The following PLEKHA1 variants were observed in gnomAD, a reference collection of about 807,000 sequenced individuals.
PLEKHA1 encodes pleckstrin homology domain-containing family A member 1.
PLEKHA1 carries 34 observed loss-of-function variants against 52.0 expected under a neutral mutation model. The ratio of observed to expected loss-of-function variants is 0.65; its 90% confidence interval spans 0.50 to 0.87. The LOEUF (loss-of-function observed/expected upper bound fraction) is 0.87. Ranked by LOEUF, PLEKHA1 falls within the 40% of genes least tolerant of loss-of-function variation. The pLI is 0.00. For synonymous variants in PLEKHA1, 163 were observed against 170.7 expected (o/e 0.95, Z 0.35); for missense variants, 497 against 504.2 (o/e 0.99, Z 0.14).
intron 7 of PLEKHA1, chr10:122,416,857 T>A (rs1261677804): frequency 2.0e-5 from 3 of 153,324 alleles, no homozygotes; most frequent in African/African-American, 7.2e-5. Context: ...CAACTCTTAA[T>A]TTTTTTAGGG....
chr10:122,390,372 A>T (rs2096759408), intron 1 of PLEKHA1, among the ~76,000 whole-genome samples: 1 of 152,218 alleles, frequency 6.6e-6, no homozygotes, highest in African/African-American at 2.4e-5. Flanking sequence ...CAGGAACTTT[A>T]CCTTTGCATT....
In PLEKHA1 at chr10:122,424,171, G is replaced by GTTTCTTTT. The variant is rs758904148; in HGVS notation, c.682-25_682-24insCTTTTTTT. ...TTTTAAGAATAAACATCATGTAACT[G>GTTTCTTTT]TTTTTTTTTTTTTTTTTTTTTTGCC... On this transcript the variant is annotated intron_variant, in intron 8 of 11. Coordinates refer to ENST00000368990, the MANE Select transcript of PLEKHA1 (RefSeq NM_001001974.4). The GTTTCTTTT allele has an allele frequency of 2.8e-5, 27 of 955,824 alleles. 1 individual carries two copies. Among genetic ancestry groups the GTTTCTTTT allele is most frequent in the South Asian group, 1.7e-4 (8 of 48,186 alleles). The allele number at this position is 955,824 out of a possible 1,614,324, so 59.2% of individuals were successfully genotyped here. A position where few individuals can be genotyped will look rare whatever the true frequency, so the allele number is the denominator to read the frequency against.
At chr10:122,441,634 TAAAG>T in the PLEKHA1 span, 2 of 152,122 alleles carry the variant, frequency 1.3e-5, no homozygotes, top group East Asian at 1.9e-4. Context: ...GTGGTTCAGA[TAAAG>T]AACCCACTGA....
chr10:122,406,791 TAA>T (rs980678176), intron 5 of PLEKHA1, 118 bp downstream of exon 5: 7 of 734,936 alleles, frequency 9.5e-6, no homozygotes, highest in Non-Finnish European at 1.6e-5. Flanking sequence ...AAGCTTTGTT[TAA>T]AAGACAGGTG....
chr10:122,415,881 G>A lies in PLEKHA1; in HGVS notation c.491G>A (p.Gly164Asp), dbSNP rs759958057. The A allele has an allele frequency of 1.2e-6, 2 of 1,611,828 alleles. No individual in the cohort carries two copies. The highest frequency in any genetic ancestry group is 1.1e-5 in the South Asian group (1 of 90,836). Residue 164 changes from glycine to aspartate, a missense_variant, in exon 7 of 12, where the codon GGT (glycine) becomes GAT (aspartate). Physicochemically the swap from Gly to Asp is moderately conservative, Grantham distance 94 (BLOSUM62 -1). Coordinates refer to ENST00000368990, the MANE Select transcript of PLEKHA1 (RefSeq NM_001001974.4). ...TAGAAAGAAGAAGTAAATGAATGTG[G>A]TGAAAGTATTGACAGAAATAATCTG... ...PTQKEEVNEC[G>D]ESIDRNNLKR...
intron 8 of PLEKHA1, chr10:122,420,773 T>A (rs2097249397): frequency 6.6e-6 from 1 of 152,172 alleles, no homozygotes; most frequent in Admixed American, 6.5e-5. Context: ...AACATAGGCA[T>A]CCAAGAGGAA....
Position 122,393,003 on chromosome 10 carries a change from C to T in PLEKHA1, c.-20-178C>T. ...TAAATAGTTACATTTAGTAACCACT[C>T]TTCACAAACTGAATTTCAAAAGTGA... On this transcript the variant is annotated intron_variant, in intron 1 of 11. Coordinates refer to ENST00000368990, the MANE Select transcript of PLEKHA1 (RefSeq NM_001001974.4). This position sits in a 1 kb window ranked among gnomAD's most constrained non-coding sequence, Gnocchi z 4.5. 1 of 469,106 alleles carries T rather than the reference C, an allele frequency of 2.1e-6. No individual in the cohort carries two copies. Among genetic ancestry groups the T allele is most frequent in the East Asian group, 3.4e-5 (1 of 29,690 alleles). The allele number at this position is 469,106 out of a possible 1,614,324, so 29.1% of individuals were successfully genotyped here. A position where few individuals can be genotyped will look rare whatever the true frequency, so the allele number is the denominator to read the frequency against.
At position 122,411,468 on chromosome 10, in the gene PLEKHA1, C is replaced by T. The variant is rs867888454; in HGVS notation, c.343-1452C>T. ...AATCCTTATCTGCATTGTATACCCT[C>T]TTTTCTACAAATCTGGTGGGAGTAG... On this transcript the variant is annotated intron_variant, in intron 5 of 11. Coordinates refer to ENST00000368990, the MANE Select transcript of PLEKHA1 (RefSeq NM_001001974.4). Among the ~76,000 whole-genome samples the T allele has an allele frequency of 7.2e-5, 11 of 152,310 alleles. No individual in the cohort carries two copies. In the Middle Eastern group the frequency reaches 0.01, roughly 141 times the overall value.
chr10:122,393,470 C>T lies in PLEKHA1; in HGVS notation c.141+129C>T. 1.2e-6 allele frequency: 1 copy of T among 851,288 alleles called. No individual in the cohort carries two copies. Among genetic ancestry groups the T allele is most frequent in the Non-Finnish European group, 1.6e-6 (1 of 606,644 alleles). 52.7% of individuals were successfully genotyped at this position (851,288 alleles called of 1,614,324 possible). On this transcript the variant is annotated intron_variant, in intron 2 of 11. Coordinates refer to ENST00000368990, the MANE Select transcript of PLEKHA1 (RefSeq NM_001001974.4). The surrounding 1 kb of genome is among the most constrained non-coding windows in gnomAD (Gnocchi z 4.5). ...TTTAGATTTATTTCTACTGGCTGTC[C>T]TCTCTGCCCTGCACCCCTGACCTCT...
intron 1 of PLEKHA1, among the ~76,000 whole-genome samples, chr10:122,378,690 T>G (rs927867839): frequency 4.0e-5 from 6 of 149,964 alleles, no homozygotes; most frequent in African/African-American, 7.4e-5. Context: ...GAACAGAGAC[T>G]GTGCTGTGGC....
Position 122,393,089 on chromosome 10 carries a change from G to T in PLEKHA1, c.-20-92G>T, listed in dbSNP as rs778914923. The T allele has an allele frequency of 5.0e-6, 5 of 990,314 alleles. No homozygotes were observed. The highest frequency in any genetic ancestry group is 7.2e-6 in the Non-Finnish European group (5 of 697,050). The allele number at this position is 990,314 out of a possible 1,614,324, so 61.3% of individuals were successfully genotyped here. ...TTTTAATTGACCTTACCTAATGTTGGCAAGTTGCCCCCTCATTGAACAGAT... is the reference window on the plus strand; with the variant it reads ...TTTTAATTGACCTTACCTAATGTTGTCAAGTTGCCCCCTCATTGAACAGAT... On this transcript the variant is annotated intron_variant, in intron 1 of 11. Coordinates refer to ENST00000368990, the MANE Select transcript of PLEKHA1 (RefSeq NM_001001974.4). This position sits in a 1 kb window ranked among gnomAD's most constrained non-coding sequence, Gnocchi z 4.5.
At chr10:122,427,197 T>C (rs2097351787) in intron 11 of PLEKHA1, among the ~76,000 whole-genome samples, 166 bp downstream of exon 11, 1 of 152,264 alleles carries the variant, frequency 6.6e-6, no homozygotes, top group Admixed American at 6.5e-5. Flanking sequence ...ATTTAATGCT[T>C]CCTTGTAGTA....
intron 3 of PLEKHA1, among the ~76,000 whole-genome samples, chr10:122,398,252 CAA>C (rs1039128946): frequency 2.0e-4 from 30 of 152,152 alleles, no homozygotes; most frequent in African/African-American, 6.3e-4. Flanking sequence ...ATCAGTGAAA[CAA>C]ATTCTATCTT....
chr10:122,398,593 T>TTGTGTGTGTG (rs10653605), intron 3 of PLEKHA1, among the ~76,000 whole-genome samples: 4 of 147,518 alleles, frequency 2.7e-5, no homozygotes, highest in African/African-American at 9.9e-5. Flanking sequence ...CCCTATGGGT[T>TTGTGTGTGTG]TGTGTGTGTG....
At chr10:122,412,857 G>A (rs1336143071) in intron 5 of PLEKHA1, 63 bp from the exon 6 acceptor site, 8 of 1,559,738 alleles carry the variant, frequency 5.1e-6, no homozygotes, top group East Asian at 4.5e-5. Context: ...GAAATTCTGC[G>A]AGAAAACAGG....
chr10:122,377,637 A>G (rs2096556076), intron 1 of PLEKHA1, among the ~76,000 whole-genome samples: 1 of 152,206 alleles, frequency 6.6e-6, no homozygotes, highest in Non-Finnish European at 1.5e-5. Flanking sequence ...GGATGTTTTT[A>G]TGTAAACATA....
At chr10:122,441,252 T>G in the PLEKHA1 span, 2 of 152,190 alleles carry the variant, frequency 1.3e-5, no homozygotes, top group Non-Finnish European at 2.9e-5. Flanking sequence ...AGAAGATTGC[T>G]TGAGTTCAGG....
At chr10:122,420,467 C>T (rs2097243827) in intron 8 of PLEKHA1, 1 of 152,142 alleles carries the variant, frequency 6.6e-6, no homozygotes, top group Non-Finnish European at 1.5e-5. Context: ...CTTGTTTCTT[C>T]TGTTTCACCA....
intron 1 of PLEKHA1, among the ~76,000 whole-genome samples, chr10:122,381,186 A>G (rs1348080523): frequency 1.3e-5 from 2 of 152,234 alleles, no homozygotes; most frequent in Non-Finnish European, 2.9e-5. Flanking sequence ...GGCCAGATCC[A>G]GGAGAGGCCC....
Sources: gnomAD v4.1 joint callset for allele counts (sites outside exome capture counted in the v4.1 genomes callset) on GRCh38, gnomAD v4.1.1 for gene constraint, Gnocchi (gnomAD v3.1) non-coding constraint, MANE v1.5 for transcripts, NCBI Gene and HGNC (gene_info 2026-07-23, HGNC 2026-07-21) for gene names.